The following ANK3 variants were observed in gnomAD, a reference collection of about 807,000 sequenced individuals.
ANK3 encodes ankyrin-3.
A neutral mutation model predicts 370.9 loss-of-function variants in ANK3; 57 were observed. The ratio of observed to expected loss-of-function variants is 0.15; its 90% CI spans 0.12 to 0.19. The LOEUF (loss-of-function observed/expected upper bound fraction) is 0.19. Among genes scored for constraint, ANK3 ranks in the 10% least tolerant of loss-of-function variants. The pLI is 1.00. For synonymous variants in ANK3, 1,929 were observed against 1,946.3 expected (o/e 0.99, Z 0.23); for missense variants, 4,439 against 5,302.1 (o/e 0.84, Z 5.06).
intron 2 of ANK3, among the ~76,000 whole-genome samples, chr10:60,608,987 CTA>C (rs1455134986): frequency 1.3e-5 from 2 of 152,078 alleles, no homozygotes; most frequent in Non-Finnish European, 2.9e-5. Context: ...TCATGATTTT[CTA>C]TGTTTTAGCA....
chr10:60,670,463 G>C (rs928281504), intron 1 of ANK3, among the ~76,000 whole-genome samples: 3 of 152,024 alleles, frequency 2.0e-5, no homozygotes, highest in African/African-American at 7.3e-5. Flanking sequence ...GATCCACTCG[G>C]TTCCAAACCA....
intron 1 of ANK3, among the ~76,000 whole-genome samples, chr10:60,639,312 C>G (rs981965841): frequency 6.7e-6 from 1 of 149,524 alleles, no homozygotes; most frequent in Non-Finnish European, 1.5e-5. Flanking sequence ...AAGTTTTAGA[C>G]CAAAAAGAAA....
chr10:60,214,600 G>T (rs113399609), intron 8 of ANK3, among the ~76,000 whole-genome samples: 5,852 of 152,132 alleles, frequency 0.038, 357 homozygotes, highest in African/African-American at 0.13. Flanking sequence ...TTATGAGTGA[G>T]AACATGAGGT....
In ANK3 at chr10:60,070,764, G is replaced by A. The variant is rs757884517; in HGVS notation, c.10117C>T (p.Leu3373Phe). Residue 3373 changes from leucine to phenylalanine, a missense_variant, in exon 37 of 44, where the codon CTT becomes TTT. This residue lies in a region of ANK3 where 1,601 missense variants were observed against 1,731.7 expected (regional missense o/e 0.92). Transcript: ENST00000280772. The surrounding 1 kb of genome is among the most constrained non-coding windows in gnomAD (Gnocchi z 5.7). The part of the protein sequence containing the change: ...NGSGKDNEFG[L>F]GLDSPQNEIA... Reference sequence around the variant, plus strand: ...TCATTCTGAGGTGAATCAAGGCCAAGGCCAAATTCATTATCTTTTCCAGAT... The same window carrying A: ...TCATTCTGAGGTGAATCAAGGCCAAAGCCAAATTCATTATCTTTTCCAGAT... 1 of 1,614,170 alleles carries A rather than the reference G, an allele frequency of 6.2e-7. No homozygotes were observed. Among genetic ancestry groups the A allele is most frequent in the Non-Finnish European group, 8.5e-7 (1 of 1,180,020 alleles).
intron 32 of ANK3, chr10:60,083,923 C>CT (rs60709810): frequency 4.9e-3 from 732 of 149,636 alleles, no homozygotes; most frequent in Middle Eastern, 0.019. Flanking sequence ...ATTTTGAAAG[C>CT]TTTTTTTTTT....
intron 2 of ANK3, among the ~76,000 whole-genome samples, chr10:60,462,906 TA>T (rs201148356): frequency 0.048 from 7,326 of 152,052 alleles, 279 homozygotes; most frequent in Non-Finnish European, 0.068. Flanking sequence ...AAGTTTTATT[TA>T]TTTTTTTATT....
chr10:60,129,164 ACACAC>A, intron 25 of ANK3, among the ~76,000 whole-genome samples: 1 of 152,246 alleles, frequency 6.6e-6, no homozygotes, highest in African/African-American at 2.4e-5. Flanking sequence ...ACATACCAAT[ACACAC>A]CAAGCTTCCA....
chr10:60,140,612 A>T (rs1220489231), intron 23 of ANK3: 38 of 1,402,048 alleles, frequency 2.7e-5, no homozygotes, highest in South Asian at 8.5e-5. Flanking sequence ...AAATCTTTTT[A>T]AAAAACCCCA....
In ANK3 at chr10:60,069,459, G is replaced by A. The variant is rs1475431412; in HGVS notation, c.11422C>T (p.Leu3808=). The A allele has an allele frequency of 3.1e-6, 5 of 1,613,854 alleles. No individual in the cohort carries two copies. The Admixed American group carries it at 6.7e-5, about 22-fold the overall frequency. The change falls in exon 37 of 44, where the codon CTG becomes TTG. Residue 3808 remains leucine, a synonymous_variant. Transcript: ENST00000280772. Reference sequence around the variant, plus strand: ...CAAGTGGGTGCAGAATGTTCTGTCAGAACTATATTACTCATAATGTTATCT... The same window carrying A: ...CAAGTGGGTGCAGAATGTTCTGTCAAAACTATATTACTCATAATGTTATCT... ...QTDNIMSNIV[L]TEHSAPTCTT...
chr10:60,165,231 C>A lies in ANK3; in HGVS notation c.2614+1360G>T, dbSNP rs374456477. Among the ~76,000 whole-genome samples the A allele has an allele frequency of 1.2e-4, 19 of 152,226 alleles. No individual in the cohort carries two copies. The East Asian group carries it at 3.1e-3, about 25-fold the overall frequency. ...CATCATGTTTTGTGTGTGTAAACAT[C>A]TATGTAAGAATATCATTTTTTCTTT... On this transcript the variant is annotated intron_variant, in intron 23 of 43. Coordinates refer to ENST00000280772, the MANE Select transcript of ANK3 (RefSeq NM_020987.5).
chr10:60,567,686 G>T (rs1003246709), intron 2 of ANK3, among the ~76,000 whole-genome samples: 12 of 152,132 alleles, frequency 7.9e-5, no homozygotes, highest in African/African-American at 2.7e-4. Context: ...TGTCTGATGG[G>T]TCTGAGCAAA....
intron 2 of ANK3, among the ~76,000 whole-genome samples, chr10:60,560,522 A>G (rs2068041): frequency 1.3e-5 from 2 of 152,210 alleles, no homozygotes; most frequent in Non-Finnish European, 1.5e-5. Flanking sequence ...AATTTTAACT[A>G]TAAGACATTT....
chr10:60,261,974 GCAGA>G lies in ANK3; in HGVS notation c.700-21_700-18del. 1 of 1,603,518 alleles carries G rather than the reference GCAGA, an allele frequency of 6.2e-7. No individual in the cohort carries two copies. The highest frequency in any genetic ancestry group is 8.5e-7 in the Non-Finnish European group (1 of 1,170,706). ...GAAGCCACTCTGTAAAGAAAACATA[GCAGA>G]CATTCAATTGATTCCTGCCAGCCCC... On this transcript the variant is annotated intron_variant, in intron 6 of 43. Coordinates refer to ENST00000280772, the MANE Select transcript of ANK3 (RefSeq NM_020987.5).
intron 1 of ANK3, among the ~76,000 whole-genome samples, chr10:60,644,605 C>T (rs2078683235): frequency 6.6e-6 from 1 of 151,966 alleles, no homozygotes; most frequent in East Asian, 1.9e-4. Context: ...CTTAAAATTG[C>T]AGCTTGGTTT....
At chr10:60,676,934 G>A (rs553717000) in intron 1 of ANK3, among the ~76,000 whole-genome samples, 70 of 152,284 alleles carry the variant, frequency 4.6e-4, no homozygotes, top group African/African-American at 1.6e-3. Context: ...TGCTTGTGTT[G>A]ATGAATACCC....
In ANK3 at chr10:60,337,158, G is replaced by A. The variant is rs72822297; in HGVS notation, c.114+52267C>T. Reference sequence around the variant, plus strand: ...ATGGTTTAATTATGAGTTGGACTTCGCTTTGGTTATGAAACAATAAGATAA... The same window carrying A: ...ATGGTTTAATTATGAGTTGGACTTCACTTTGGTTATGAAACAATAAGATAA... On this transcript the variant is annotated intron_variant, in intron 1 of 43. Transcript: ENST00000280772. Among the ~76,000 whole-genome samples, 789 of 152,232 alleles carry A rather than the reference G, an allele frequency of 5.2e-3. 4 individuals carry two copies. The highest frequency in any genetic ancestry group is 0.011 in the South Asian group (52 of 4,814).
intron 2 of ANK3, among the ~76,000 whole-genome samples, chr10:60,535,966 T>C (rs2076716024): frequency 6.6e-6 from 1 of 151,778 alleles, no homozygotes; most frequent in Non-Finnish European, 1.5e-5. Flanking sequence ...TTGGAAACAA[T>C]ATTGGTTGTT....
Position 60,196,223 on chromosome 10 carries a change from A to G in ANK3, c.1809T>C (p.His603=), listed in dbSNP as rs755340277. 1.2e-6 allele frequency: 2 copies of G among 1,614,068 alleles called. No homozygotes were observed. Among genetic ancestry groups the G allele is most frequent in the Non-Finnish European group, 1.7e-6 (2 of 1,179,950 alleles). ...AAGKSGLTPL[H]VAAHYDNQKV... Reference sequence around the variant, plus strand: ...TCTGATTATCGTAATGTGCAGCTACATGCAGTGGTGTTAGCCCGCTCTGAA... The same window carrying G: ...TCTGATTATCGTAATGTGCAGCTACGTGCAGTGGTGTTAGCCCGCTCTGAA... The change falls in exon 16 of 44, where the codon CAT becomes CAC. Residue 603 remains histidine, a synonymous_variant. Transcript: ENST00000280772.
chr10:60,144,216 T>C (rs1039566834), intron 23 of ANK3: 18 of 446,956 alleles, frequency 4.0e-5, no homozygotes, highest in Non-Finnish European at 7.6e-5. Context: ...AATTTTGTAA[T>C]AGGTAACCAA....
Sources: gnomAD v4.1 joint callset for allele counts (sites outside exome capture counted in the v4.1 genomes callset) on GRCh38, gnomAD v4.1.1 for gene constraint, gnomAD v4.1.1 regional missense constraint, Gnocchi (gnomAD v3.1) non-coding constraint, MANE v1.5 for transcripts, NCBI Gene and HGNC (gene_info 2026-07-23, HGNC 2026-07-21) for gene names.